The following TAAR1 variants were observed in gnomAD, a reference collection of about 807,000 sequenced individuals.
The protein encoded by TAAR1 is trace amine-associated receptor 1.
A neutral mutation model predicts 1.2 loss-of-function variants in TAAR1; 1 was observed. The ratio of observed to expected loss-of-function variants is 0.81; its 90% CI spans 0.29 to 3.86. The LOEUF (loss-of-function observed/expected upper bound fraction) is 3.86, where lower values mean the gene tolerates loss of function less well. TAAR1 is among the 30% of genes most tolerant of loss of function. The pLI is 0.18. For synonymous variants in TAAR1, 153 were observed against 132.2 expected, an observed-to-expected ratio of 1.16 and a Z score of -1.08; for missense variants, 445 against 405.6, an observed-to-expected ratio of 1.10 and a Z score of -0.83.
chr6:132,645,498 T>G lies in TAAR1; in HGVS notation c.506A>C (p.Glu169Ala), dbSNP rs777125565. 3.1e-6 allele frequency: 5 copies of G among 1,613,630 alleles called. No individual in the cohort carries two copies. The East Asian group carries it at 1.1e-4, about 36-fold the overall frequency. Residue 169 changes from glutamate to alanine, a missense_variant, in exon 2 of 2, where the codon GAA becomes GCA. Physicochemically the swap from Glu to Ala is moderately radical, Grantham distance 107. Coordinates refer to ENST00000275216, the MANE Select transcript of TAAR1 (RefSeq NM_138327.4). ...GTGAACATGTTTGTAATATATCTCT[T>G]CAGCGCCTTTGAAGTTTAGCTCCAG... ...IFLELNFKGAEEIYYKHVHCR... is the reference protein window; with the variant it reads ...IFLELNFKGAAEIYYKHVHCR...
chr6:132,646,707 A>G (rs1178574285), intron 1 of TAAR1, among the ~76,000 whole-genome samples: 2 of 152,116 alleles, frequency 1.3e-5, no homozygotes, highest in African/African-American at 2.4e-5. Context: ...TTTCAGTTAC[A>G]GTTTTATTTG....
At chr6:132,651,176 T>C (rs527984649) in intron 1 of TAAR1, among the ~76,000 whole-genome samples, 34 of 152,324 alleles carry the variant, frequency 2.2e-4, no homozygotes, top group African/African-American at 7.9e-4. Context: ...TTCTGCTATC[T>C]CACAAGCTGC....
chr6:132,648,018 A>G (rs1485674941), intron 1 of TAAR1, among the ~76,000 whole-genome samples: 1 of 152,152 alleles, frequency 6.6e-6, no homozygotes, highest in East Asian at 1.9e-4. Flanking sequence ...AAAAAGACAC[A>G]CAGGCTCATT....
intron 1 of TAAR1, among the ~76,000 whole-genome samples, chr6:132,648,819 T>C (rs1298719904): frequency 2.6e-5 from 4 of 152,218 alleles, no homozygotes; most frequent in Admixed American, 2.6e-4. Flanking sequence ...TTATTATCTG[T>C]ATATACAAAG....
chr6:132,645,684 C>T lies in TAAR1; in HGVS notation c.320G>A (p.Ser107Asn), dbSNP rs1777662190. Residue 107 changes from serine to asparagine, a missense_variant, in exon 2 of 2, where the codon AGC becomes AAC. By Grantham distance (46) the Ser-to-Asn change is conservative. Coordinates refer to ENST00000275216, the MANE Select transcript of TAAR1 (RefSeq NM_138327.4). ...AGACAAATGGAAAATGGAGGCTGAG[C>T]TCAGCATAATGTCGGTGCTTGTGTG... The part of the protein sequence containing the change: ...KIHTSTDIML[S>N]SASIFHLSFI... The T allele has an allele frequency of 1.9e-6, 3 of 1,613,622 alleles. No individual in the cohort carries two copies. The highest frequency in any genetic ancestry group is 1.3e-5 in the African/African-American group (1 of 74,972).
intron 1 of TAAR1, among the ~76,000 whole-genome samples, chr6:132,656,713 G>T (rs1267988121): frequency 1.3e-5 from 2 of 151,992 alleles, no homozygotes; most frequent in Non-Finnish European, 2.9e-5. Flanking sequence ...AGAAAGAACT[G>T]GTTATTTTAA....
At chr6:132,652,029 CT>C (rs1777755288) in intron 1 of TAAR1, among the ~76,000 whole-genome samples, 1 of 152,174 alleles carries the variant, frequency 6.6e-6, no homozygotes, top group Admixed American at 6.5e-5. Flanking sequence ...CTATAACCTA[CT>C]TAAATTCATC....
intron 1 of TAAR1, among the ~76,000 whole-genome samples, chr6:132,647,605 A>AG (rs1562202927): frequency 6.3e-5 from 7 of 111,386 alleles, no homozygotes; most frequent in African/African-American, 1.7e-4. Flanking sequence ...AGAGAAAGAA[A>AG]AAAGAAAGAA....
At chr6:132,647,626 AAGAAAGAAAGAAAG>A (rs1777694565) in intron 1 of TAAR1, among the ~76,000 whole-genome samples, 4 of 56,632 alleles carry the variant, frequency 7.1e-5, no homozygotes, top group East Asian at 2.9e-4. Flanking sequence ...AGAAAAAGGA[AAGAAAGAAAGAAAG>A]AAAGAAAGAA....
rs1421334343 is a variant in TAAR1 at position 132,644,960 on chromosome 6, G to A, written c.*24C>T. 6.7e-7 allele frequency: 1 copy of A among 1,495,392 alleles called. No homozygotes were observed. The highest frequency in any genetic ancestry group is 1.4e-5 in the African/African-American group (1 of 70,672). The allele number at this position is 1,495,392 out of a possible 1,614,324, so 92.6% of individuals were successfully genotyped here. Reference sequence around the variant, plus strand: ...CATAAATATGATCATCAACCGATTTGCAAAACAGTAAAATATAATAATTCT... The same window carrying A: ...CATAAATATGATCATCAACCGATTTACAAAACAGTAAAATATAATAATTCT... On this transcript the variant is annotated 3_prime_UTR_variant, in exon 2 of 2. Transcript: ENST00000275216.
chr6:132,652,606 A>T (rs752606932), intron 1 of TAAR1, among the ~76,000 whole-genome samples: 22 of 148,676 alleles, frequency 1.5e-4, no homozygotes, highest in Non-Finnish European at 3.0e-4. Flanking sequence ...CACCTGGCTC[A>T]GACATTATTC....
chr6:132,654,249 A>G (rs550771504), intron 1 of TAAR1, among the ~76,000 whole-genome samples: 47 of 152,352 alleles, frequency 3.1e-4, no homozygotes, highest in Non-Finnish European at 6.2e-4. Context: ...ACACTTTCAA[A>G]TCTAGCAAGG....
intron 1 of TAAR1, among the ~76,000 whole-genome samples, chr6:132,649,747 C>G (rs1460873210): frequency 1.3e-5 from 2 of 152,154 alleles, no homozygotes; most frequent in Non-Finnish European, 2.9e-5. Context: ...ATGGAGGTAG[C>G]TTCCCCCATC....
At chr6:132,646,247 T>C (rs1216245365) in intron 1 of TAAR1, among the ~76,000 whole-genome samples, 118 bp from the exon 2 acceptor site, 3 of 152,192 alleles carry the variant, frequency 2.0e-5, no homozygotes, top group African/African-American at 7.2e-5. Context: ...TATTTCCAAG[T>C]TCCATTCAAT....
chr6:132,657,802 G>T (rs892353189), intron 1 of TAAR1, among the ~76,000 whole-genome samples: 38 of 152,008 alleles, frequency 2.5e-4, no homozygotes, highest in African/African-American at 9.2e-4. Flanking sequence ...TGAATTATGG[G>T]TGAATTTTAT....
chr6:132,651,536 G>A (rs1037838534), intron 1 of TAAR1, among the ~76,000 whole-genome samples: 6 of 151,990 alleles, frequency 3.9e-5, no homozygotes, highest in African/African-American at 1.5e-4. Flanking sequence ...TTAGCTTCTC[G>A]CACTCAACAA....
At chr6:132,652,835 G>A (rs1777763958) in intron 1 of TAAR1, among the ~76,000 whole-genome samples, 1 of 151,700 alleles carries the variant, frequency 6.6e-6, no homozygotes, top group African/African-American at 2.4e-5. Flanking sequence ...TAACAGGTGA[G>A]GAGTAGGTAA....
chr6:132,658,330 T>A lies in TAAR1; in HGVS notation c.-127+800A>T, dbSNP rs57340483. 8.2e-3 allele frequency among the ~76,000 whole-genome samples: 1,241 copies of A among 152,228 alleles called. 22 individuals carry two copies. Among genetic ancestry groups the A allele is most frequent in the African/African-American group, 0.027 (1,138 of 41,542 alleles). ...GAAACAGGAAATGGGACGAAATTCATTTGTTTGCTCCTACATCAACACAAA... is the reference window on the plus strand; with the variant it reads ...GAAACAGGAAATGGGACGAAATTCAATTGTTTGCTCCTACATCAACACAAA... On this transcript the variant is annotated intron_variant, in intron 1 of 1. Transcript: ENST00000275216.
intron 1 of TAAR1, among the ~76,000 whole-genome samples, chr6:132,654,962 G>T (rs1329899215): frequency 2.0e-5 from 3 of 152,212 alleles, no homozygotes; most frequent in African/African-American, 7.2e-5. Flanking sequence ...ATTGTAAATA[G>T]ATCTGCAGGT....
Sources: allele counts gnomAD v4.1 joint callset (sites outside exome capture counted in the v4.1 genomes callset), GRCh38; gene constraint gnomAD v4.1.1; transcripts MANE v1.5; gene names NCBI Gene and HGNC (gene_info 2026-07-23, HGNC 2026-07-21).